The following MMP16 variants were observed in gnomAD, a reference collection of about 807,000 sequenced individuals.
The protein encoded by MMP16 is matrix metalloproteinase-16.
MMP16 carries 12 observed loss-of-function variants against 67.8 expected under a neutral mutation model. That is an observed-to-expected ratio of 0.18 (90% CI 0.11 to 0.29). The LOEUF (loss-of-function observed/expected upper bound fraction) is 0.29, where lower values mean the gene tolerates loss of function less well. MMP16 is among the 10% of genes least tolerant of loss of function. MMP16 has a pLI of 1.00. For missense variants in MMP16, 475 were observed against 765.7 expected (o/e 0.62, Z 4.48); for synonymous variants, 249 against 255.9 (o/e 0.97, Z 0.26).
chr8:88,075,765 C>A (rs1419706128), intron 6 of MMP16, among the ~76,000 whole-genome samples: 1 of 152,098 alleles, frequency 6.6e-6, no homozygotes, highest in East Asian at 1.9e-4. Flanking sequence ...ACTATTTAGA[C>A]AAGTATATAT....
intron 6 of MMP16, among the ~76,000 whole-genome samples, chr8:88,111,647 C>T (rs988846365): frequency 1.3e-5 from 2 of 151,470 alleles, no homozygotes; most frequent in African/African-American, 2.4e-5. Context: ...TTTAGCAGTG[C>T]GGTGGTATGA....
intron 1 of MMP16, among the ~76,000 whole-genome samples, chr8:88,249,161 G>A (rs899036928): frequency 6.6e-6 from 1 of 151,890 alleles, no homozygotes; most frequent in Admixed American, 6.6e-5. Context: ...GAGAGCTAAC[G>A]TTCAAAATGT....
chr8:88,149,240 C>T (rs1222581237), intron 4 of MMP16, among the ~76,000 whole-genome samples: 1 of 152,228 alleles, frequency 6.6e-6, no homozygotes, highest in African/African-American at 2.4e-5. Context: ...ATTGCTAGCA[C>T]AGCAGTCTGA....
chr8:88,294,505 TG>T (rs1185942702), intron 1 of MMP16, among the ~76,000 whole-genome samples: 1 of 147,832 alleles, frequency 6.8e-6, no homozygotes, highest in Non-Finnish European at 1.5e-5. Flanking sequence ...CATATGTATA[TG>T]TCTCTACACA....
intron 1 of MMP16, among the ~76,000 whole-genome samples, chr8:88,197,659 T>C: frequency 6.6e-6 from 1 of 152,170 alleles, no homozygotes; most frequent in East Asian, 1.9e-4. Flanking sequence ...GAAGGATGCT[T>C]TTTCAACAGT....
chr8:88,157,366 T>A (rs922084101), intron 4 of MMP16, among the ~76,000 whole-genome samples: 1 of 151,880 alleles, frequency 6.6e-6, no homozygotes, highest in Non-Finnish European at 1.5e-5. Flanking sequence ...TATATGCAAA[T>A]ATTAAACCAT....
At position 88,040,555 on chromosome 8, in the gene MMP16, C is replaced by G. The variant is rs1808117406; in HGVS notation, c.*906G>C. The G allele has an allele frequency of 6.6e-6, 1 of 152,364 alleles. No individual in the cohort carries two copies. Among genetic ancestry groups the G allele is most frequent in the Non-Finnish European group, 1.5e-5 (1 of 68,030 alleles). 9.4% of individuals were successfully genotyped at this position (152,364 alleles called of 1,614,324 possible). On this transcript the variant is annotated 3_prime_UTR_variant, in exon 10 of 10. Transcript: ENST00000286614. ...CTTGCTCTGCTTTGTAACGAATATT[C>G]CTGACAGACCCATGGAAGGCCTGGG...
At chr8:88,223,055 C>CA (rs1338761328) in intron 1 of MMP16, among the ~76,000 whole-genome samples, 3 of 151,958 alleles carry the variant, frequency 2.0e-5, no homozygotes, top group Admixed American at 1.3e-4. Flanking sequence ...AGACACTTCT[C>CA]AAAAGACATT....
At chr8:88,143,516 C>G (rs1308920649) in intron 4 of MMP16, among the ~76,000 whole-genome samples, 5 of 151,934 alleles carry the variant, frequency 3.3e-5, no homozygotes, top group African/African-American at 1.2e-4. Context: ...AAGTACATCA[C>G]CTCTAGTTTG....
chr8:88,248,574 C>T (rs973823888), intron 1 of MMP16, among the ~76,000 whole-genome samples: 4 of 152,188 alleles, frequency 2.6e-5, no homozygotes, highest in African/African-American at 7.2e-5. Flanking sequence ...TACTGGAAAA[C>T]GTCCATTGCC....
chr8:88,311,406 C>G (rs926943174), intron 1 of MMP16, among the ~76,000 whole-genome samples: 4 of 152,078 alleles, frequency 2.6e-5, no homozygotes, highest in African/African-American at 9.7e-5. Flanking sequence ...TTGCATTTGA[C>G]AGTTGAGTTT....
chr8:88,318,279 TTGTA>T (rs1020133389), intron 1 of MMP16, among the ~76,000 whole-genome samples: 6 of 152,218 alleles, frequency 3.9e-5, no homozygotes, highest in African/African-American at 1.4e-4. Flanking sequence ...CAATTTAATA[TTGTA>T]TGTGTTTAAG....
chr8:88,227,953 C>G (rs1332031772), intron 1 of MMP16, among the ~76,000 whole-genome samples: 1 of 152,006 alleles, frequency 6.6e-6, no homozygotes, highest in Non-Finnish European at 1.5e-5. Flanking sequence ...TGGAAAGCTG[C>G]AGAACCACAA....
chr8:88,066,622 G>T (rs919051925), intron 7 of MMP16, among the ~76,000 whole-genome samples: 7 of 151,712 alleles, frequency 4.6e-5, no homozygotes, highest in Non-Finnish European at 7.4e-5. Context: ...CTGTGGGTTT[G>T]TACATCTACA....
intron 1 of MMP16, among the ~76,000 whole-genome samples, chr8:88,203,530 C>T (rs1563561274): frequency 1.3e-5 from 2 of 152,182 alleles, no homozygotes; most frequent in African/African-American, 4.8e-5. Context: ...AAACTTCATA[C>T]ATTCATCACC....
chr8:88,048,827 C>T (rs1159514193), intron 8 of MMP16, among the ~76,000 whole-genome samples: 1 of 152,112 alleles, frequency 6.6e-6, no homozygotes, highest in Non-Finnish European at 1.5e-5. Context: ...TTGACTTAGC[C>T]ATTTTATCTG....
At chr8:88,294,994 T>C (rs1414135680) in intron 1 of MMP16, among the ~76,000 whole-genome samples, 2 of 152,348 alleles carry the variant, frequency 1.3e-5, no homozygotes, top group Non-Finnish European at 2.9e-5. Flanking sequence ...ATTACAGGCA[T>C]GAGCCACCGG....
intron 4 of MMP16, among the ~76,000 whole-genome samples, chr8:88,153,517 G>T (rs1485107898): frequency 3.3e-5 from 5 of 152,058 alleles, no homozygotes; most frequent in East Asian, 1.9e-4. Context: ...CCAAAACAGA[G>T]ATATAGATCA....
intron 4 of MMP16, among the ~76,000 whole-genome samples, chr8:88,151,288 A>C (rs2129645890): frequency 6.8e-6 from 1 of 147,906 alleles, no homozygotes; most frequent in African/African-American, 2.5e-5. Context: ...CCCACTGTCA[A>C]CATTAGACAG....
Sources: gnomAD v4.1 joint callset for allele counts (sites outside exome capture counted in the v4.1 genomes callset) on GRCh38, gnomAD v4.1.1 for gene constraint, MANE v1.5 for transcripts, NCBI Gene and HGNC (gene_info 2026-07-23, HGNC 2026-07-21) for gene names.